The following FLNB variants were observed in gnomAD, a reference collection of about 807,000 sequenced individuals.
FLNB encodes filamin-B.
In FLNB, 111 loss-of-function variants were observed where a neutral mutation model predicts 250.6. The ratio of observed to expected loss-of-function variants is 0.44; its 90% CI spans 0.38 to 0.52. FLNB has a LOEUF of 0.52. Ranked by LOEUF, FLNB falls within the 20% of genes least tolerant of loss-of-function variation. The probability of loss-of-function intolerance (pLI) is 0.00; values close to 1 mark genes in which losing one functional copy is unlikely to be tolerated. For missense variants in FLNB, 2,869 were observed against 3,447.8 expected (o/e 0.83, Z 4.20); for synonymous variants, 1,302 against 1,372.1 (o/e 0.95, Z 1.13).
In FLNB at chr3:58,106,775, G is replaced by A. The variant is rs758230977; in HGVS notation, c.1843G>A (p.Glu615Lys). 3.1e-6 allele frequency: 5 copies of A among 1,614,042 alleles called. No homozygotes were observed. The highest frequency in any genetic ancestry group is 1.3e-5 in the African/African-American group (1 of 74,910). ...DVKYWPKEPG[E>K]YAVHIMCDDE... ...CAAATACTGGCCCAAGGAGCCTGGC[G>A]AATATGCTGTTCACATCATGTGTGA... The change falls in exon 12 of 46, where the codon GAA becomes AAA. Residue 615 changes from glutamate to lysine, a missense_variant. By Grantham distance (56) the Glu-to-Lys change is moderately conservative (BLOSUM62 1). Transcript: ENST00000295956.
chr3:58,154,891 T>G lies in FLNB; in HGVS notation c.6735T>G (p.Asn2245Lys). ...AGATTACATTCGATGACCATAAAAA[T>G]GGGTCGTGCGGTGTATCTTATATTG... ...KAEITFDDHKNGSCGVSYIAQ... is the reference protein window; with the variant it reads ...KAEITFDDHKKGSCGVSYIAQ... Residue 2245 changes from asparagine to lysine, a missense_variant, in exon 40 of 46, where the codon AAT becomes AAG. Physicochemically the swap from Asn to Lys is moderately conservative, Grantham distance 94. This residue lies in a region of FLNB where 1,084 missense variants were observed against 1,315.5 expected (regional missense o/e 0.82). Transcript: ENST00000295956. 6.2e-7 allele frequency: 1 copy of G among 1,614,084 alleles called. No individual in the cohort carries two copies. Among genetic ancestry groups the G allele is most frequent in the Non-Finnish European group, 8.5e-7 (1 of 1,179,962 alleles).
At chr3:58,022,383 G>A (rs1445287102) in intron 1 of FLNB, among the ~76,000 whole-genome samples, 1 of 152,150 alleles carries the variant, frequency 6.6e-6, no homozygotes, top group Non-Finnish European at 1.5e-5. Flanking sequence ...GGAACACTTC[G>A]TTTTTGGACT....
chr3:58,146,769 A>C, intron 33 of FLNB, 51 bp from the exon 34 acceptor site: 1 of 1,603,548 alleles, frequency 6.2e-7, no homozygotes, highest in East Asian at 2.2e-5. Flanking sequence ...AAACTCTTAA[A>C]ACAAGGCAAC....
At chr3:58,031,388 G>A (rs1409164895) in intron 1 of FLNB, among the ~76,000 whole-genome samples, 4 of 149,856 alleles carry the variant, frequency 2.7e-5, no homozygotes, top group Admixed American at 2.7e-4. Flanking sequence ...GACTACAGGC[G>A]CCCGCCACCA....
At chr3:58,126,933 C>T (rs939380701) in intron 24 of FLNB, among the ~76,000 whole-genome samples, 171 bp downstream of exon 24, 1 of 152,154 alleles carries the variant, frequency 6.6e-6, no homozygotes, top group African/African-American at 2.4e-5. Flanking sequence ...CCCAGTAGAA[C>T]CGGTAACATG....
Position 58,109,101 on chromosome 3 carries a change from C to T in FLNB, c.2056-78C>T, listed in dbSNP as rs1436764950. 3.8e-6 allele frequency: 6 copies of T among 1,585,736 alleles called. No individual in the cohort carries two copies. The East Asian group carries it at 8.9e-5, about 24-fold the overall frequency. On this transcript the variant is annotated intron_variant, in intron 13 of 45. Transcript: ENST00000295956. ...TATAAGCAAGTGGTGACTTGGCTGT[C>T]TTGGGAGGCCACAGTGACCCTGTCT...
intron 1 of FLNB, among the ~76,000 whole-genome samples, chr3:58,033,397 TG>T (rs55714460): frequency 0.71 from 102,629 of 145,496 alleles, 35,900 homozygotes; most frequent in East Asian, 0.94. Flanking sequence ...TATGCTGTTT[TG>T]TTTTTTTTTG....
intron 3 of FLNB, among the ~76,000 whole-genome samples, chr3:58,080,379 G>A (rs1226078674): frequency 6.6e-6 from 1 of 152,138 alleles, no homozygotes; most frequent in Admixed American, 6.5e-5. Context: ...GTTTAGGGCT[G>A]GGTCAGATGA....
At chr3:58,055,491 C>A (rs2097169136) in intron 1 of FLNB, among the ~76,000 whole-genome samples, 1 of 152,054 alleles carries the variant, frequency 6.6e-6, no homozygotes, top group Admixed American at 6.5e-5. Flanking sequence ...CTTGCCCTGG[C>A]AGGAATGGTT....
rs764244066 is a variant in FLNB, at chr3:58,148,630, A to G, written c.5888-19A>G. The G allele has an allele frequency of 1.9e-6, 3 of 1,608,806 alleles. No homozygotes were observed. The highest frequency in any genetic ancestry group is 1.1e-5 in the South Asian group (1 of 90,974). Reference sequence around the variant, plus strand: ...TCTCCGCCATCCCCTTACAAGCCCCAATCTGTGTTCTGGTCCAGGCATCTC... The same window carrying G: ...TCTCCGCCATCCCCTTACAAGCCCCGATCTGTGTTCTGGTCCAGGCATCTC... On this transcript the variant is annotated intron_variant, in intron 35 of 45. Coordinates refer to ENST00000295956, the MANE Select transcript of FLNB (RefSeq NM_001457.4).
chr3:58,061,136 C>T (rs2097177944), intron 1 of FLNB, among the ~76,000 whole-genome samples: 1 of 152,202 alleles, frequency 6.6e-6, no homozygotes, highest in Admixed American at 6.5e-5. Context: ...TACCACCCCA[C>T]CTCACCTCTA....
At chr3:58,159,991 T>C (rs1388122090) in intron 42 of FLNB, among the ~76,000 whole-genome samples, 1 of 152,076 alleles carries the variant, frequency 6.6e-6, no homozygotes, top group African/African-American at 2.4e-5. Flanking sequence ...TGAGCTATGA[T>C]TGTGCCACTG....
chr3:58,145,082 A>G (rs568257645), intron 32 of FLNB, among the ~76,000 whole-genome samples: 39 of 152,336 alleles, frequency 2.6e-4, no homozygotes, highest in African/African-American at 9.4e-4. Context: ...TAAAGCAAAA[A>G]TGTATTATCT....
At chr3:58,146,071 T>C (rs1261821539) in intron 33 of FLNB, 22 bp downstream of exon 33, 1 of 1,614,070 alleles carries the variant, frequency 6.2e-7, no homozygotes, top group East Asian at 2.2e-5. Flanking sequence ...TTTACGTGTT[T>C]ATACGCCTCC....
chr3:58,031,351 T>C (rs987502167), intron 1 of FLNB, among the ~76,000 whole-genome samples: 13 of 152,026 alleles, frequency 8.6e-5, no homozygotes, highest in Non-Finnish European at 1.5e-4. Context: ...CGCGCCATTC[T>C]CCTGCCTCAG....
chr3:58,024,701 C>CTTTT (rs1174805764), intron 1 of FLNB, among the ~76,000 whole-genome samples: 1,011 of 83,630 alleles, frequency 0.012, 102 homozygotes, highest in African/African-American at 0.043. Context: ...GCCAAGCCTC[C>CTTTT]TTTTTTTTTT....
At chr3:58,125,457 T>C (rs540911695) in intron 22 of FLNB, 124 bp from the exon 23 acceptor site, 1 of 1,178,906 alleles carries the variant, frequency 8.5e-7, no homozygotes, top group Non-Finnish European at 1.2e-6. Flanking sequence ...TTAACCCCCT[T>C]TTCCAAATAA....
Position 58,123,516 on chromosome 3 carries a change from A to G in FLNB, c.3550A>G (p.Asn1184Asp), listed in dbSNP as rs1024274524. The stretch of plus-strand genomic sequence containing the variant: ...AACAAAAGCCGAAGTCAGTATTCAG[A>G]ACAACAAAGATGGCACCTACGCGGT... ...SGTKAEVSIQ[N>D]NKDGTYAVTY... Residue 1184 changes from asparagine to aspartate, a missense_variant, in exon 21 of 46, where the codon AAC becomes GAC. Coordinates refer to ENST00000295956, the MANE Select transcript of FLNB (RefSeq NM_001457.4). 1.2e-6 allele frequency: 2 copies of G among 1,605,500 alleles called. No homozygotes were observed. The highest frequency in any genetic ancestry group is 1.7e-6 in the Non-Finnish European group (2 of 1,175,338).
chr3:58,067,758 G>T (rs2097188027), intron 1 of FLNB, among the ~76,000 whole-genome samples: 1 of 151,798 alleles, frequency 6.6e-6, no homozygotes, highest in African/African-American at 2.4e-5. Context: ...CATCACGCCC[G>T]GCTAATTTTT....
Sources: allele counts gnomAD v4.1 joint callset (sites outside exome capture counted in the v4.1 genomes callset), GRCh38; gene constraint gnomAD v4.1.1; regional missense constraint gnomAD v4.1.1; transcripts MANE v1.5; gene names NCBI Gene and HGNC (gene_info 2026-07-23, HGNC 2026-07-21).